The following ZNF407 variants were observed in gnomAD, a reference collection of about 807,000 sequenced individuals.
ZNF407 encodes zinc finger protein 407.
ZNF407 carries 17 observed loss-of-function variants against 131.2 expected under a neutral mutation model. The ratio of observed to expected loss-of-function variants is 0.13; its 90% CI spans 0.09 to 0.19. The LOEUF (loss-of-function observed/expected upper bound fraction) is 0.19. Ranked by LOEUF, ZNF407 falls within the 10% of genes least tolerant of loss-of-function variation. The probability of loss-of-function intolerance (pLI) is 1.00; values close to 1 mark genes in which losing one functional copy is unlikely to be tolerated. For missense variants in ZNF407, 2,681 were observed against 2,830.6 expected (o/e 0.95, Z 1.20); for synonymous variants, 1,156 against 1,062.0 (o/e 1.09, Z -1.72).
chr18:74,923,230 A>AT (rs1187270124), intron 8 of ZNF407, among the ~76,000 whole-genome samples: 1 of 150,496 alleles, frequency 6.6e-6, no homozygotes, highest in Non-Finnish European at 1.5e-5. Flanking sequence ...TGGTTTCTTT[A>AT]TTTTTTTTAA....
At chr18:74,920,807 A>G in intron 8 of ZNF407, 115 bp downstream of exon 8, 4 of 1,359,946 alleles carry the variant, frequency 2.9e-6, no homozygotes, top group Non-Finnish European at 2.9e-6. Flanking sequence ...AGTATGTGAT[A>G]GTATCTGCTT....
chr18:74,667,199 T>C (rs557059880), intron 3 of ZNF407, among the ~76,000 whole-genome samples: 2 of 152,340 alleles, frequency 1.3e-5, no homozygotes, highest in East Asian at 3.9e-4. Context: ...CTGCCTCTGC[T>C]CCTCGTCTGT....
intron 8 of ZNF407, among the ~76,000 whole-genome samples, chr18:74,946,675 C>G (rs1972157203): frequency 6.6e-6 from 1 of 151,738 alleles, no homozygotes; most frequent in Admixed American, 6.6e-5. Context: ...GAAAACTGAC[C>G]ATGATTTGAA....
intron 3 of ZNF407, among the ~76,000 whole-genome samples, chr18:74,736,802 T>G (rs2144908991): frequency 6.6e-6 from 1 of 152,292 alleles, no homozygotes; most frequent in African/African-American, 2.4e-5. Flanking sequence ...TGTTTCCCAT[T>G]AAATAAACGT....
chr18:74,711,663 C>T (rs1233916759), intron 3 of ZNF407, among the ~76,000 whole-genome samples: 1 of 152,160 alleles, frequency 6.6e-6, no homozygotes, highest in East Asian at 1.9e-4. Flanking sequence ...TAATTTATTA[C>T]AGTATTTCTA....
Position 74,634,132 on chromosome 18 carries a change from G to A in ZNF407, c.3113G>A (p.Arg1038Gln), listed in dbSNP as rs749652346. The change falls in exon 2 of 9, where the codon CGG (arginine) becomes CAG (glutamine). Residue 1038 changes from arginine (R) to glutamine (Q), a missense_variant. This residue lies in a region of ZNF407 where 1,789 missense variants were observed against 1,748.7 expected (regional missense o/e 1.02). Transcript: ENST00000299687. ...SSASLELHVKRKHTKEFEFYC... is the reference protein window; with the variant it reads ...SSASLELHVKQKHTKEFEFYC... Reference sequence around the variant, plus strand: ...GCTTCTCTAGAGCTGCATGTAAAACGGAAACATACAAAAGAGTTTGAGTTT... The same window carrying A: ...GCTTCTCTAGAGCTGCATGTAAAACAGAAACATACAAAAGAGTTTGAGTTT... 7.4e-6 allele frequency: 12 copies of A among 1,613,984 alleles called. No homozygotes were observed. The highest frequency in any genetic ancestry group is 1.6e-4 in the Middle Eastern group (1 of 6,062).
chr18:74,695,212 GA>G (rs1180327324), intron 3 of ZNF407, among the ~76,000 whole-genome samples: 2 of 151,944 alleles, frequency 1.3e-5, no homozygotes, highest in East Asian at 1.9e-4. Context: ...GGAAGATTTA[GA>G]AAAAAAATAA....
intron 8 of ZNF407, among the ~76,000 whole-genome samples, chr18:74,956,082 T>G (rs1188442192): frequency 2.6e-5 from 4 of 152,224 alleles, no homozygotes; most frequent in African/African-American, 9.6e-5. Flanking sequence ...TATCCACCCC[T>G]TTTACTTCAT....
At chr18:74,772,552 G>C (rs995324134) in intron 3 of ZNF407, among the ~76,000 whole-genome samples, 1 of 152,164 alleles carries the variant, frequency 6.6e-6, no homozygotes, top group Non-Finnish European at 1.5e-5. Flanking sequence ...TTGTGCCAAT[G>C]CTATTGAACT....
chr18:74,789,366 T>C (rs982121309), intron 4 of ZNF407, among the ~76,000 whole-genome samples: 1 of 152,092 alleles, frequency 6.6e-6, no homozygotes, highest in South Asian at 2.1e-4. Context: ...GCACACACGG[T>C]TGGGGAGAGT....
intron 7 of ZNF407, among the ~76,000 whole-genome samples, chr18:74,917,554 T>A (rs1359457279): frequency 6.6e-6 from 1 of 152,118 alleles, no homozygotes. Flanking sequence ...CCCATATACG[T>A]CTTACCTATT....
intron 8 of ZNF407, among the ~76,000 whole-genome samples, chr18:75,029,287 T>A (rs1187922127): frequency 6.6e-6 from 1 of 152,226 alleles, no homozygotes; most frequent in Non-Finnish European, 1.5e-5. Context: ...ATGTGTTATG[T>A]TATTACAGCT....
At chr18:74,982,809 C>T (rs1377484116) in intron 8 of ZNF407, among the ~76,000 whole-genome samples, 2 of 152,090 alleles carry the variant, frequency 1.3e-5, no homozygotes, top group Non-Finnish European at 2.9e-5. Context: ...AAAAAAGAAA[C>T]TTTTATCACT....
intron 3 of ZNF407, among the ~76,000 whole-genome samples, chr18:74,739,886 G>A (rs1489781432): frequency 2.0e-5 from 3 of 152,056 alleles, no homozygotes; most frequent in African/African-American, 7.2e-5. Context: ...ATTATTAAAT[G>A]GAACTTTATT....
At chr18:74,602,270 C>A (rs547879306) in intron 1 of ZNF407, among the ~76,000 whole-genome samples, 2 of 152,168 alleles carry the variant, frequency 1.3e-5, no homozygotes, top group Non-Finnish European at 2.9e-5. Flanking sequence ...TAGAATTGAG[C>A]ACTGAAGGGA....
intron 3 of ZNF407, among the ~76,000 whole-genome samples, chr18:74,659,899 A>G (rs559969458): frequency 6.6e-6 from 1 of 152,272 alleles, no homozygotes; most frequent in East Asian, 1.9e-4. Context: ...TGACAAATAT[A>G]TTTCTATGCA....
At chr18:74,737,294 A>T (rs1479735090) in intron 3 of ZNF407, among the ~76,000 whole-genome samples, 4 of 152,208 alleles carry the variant, frequency 2.6e-5, no homozygotes, top group African/African-American at 9.6e-5. Flanking sequence ...AAAATTTTGC[A>T]TATCTTTAGC....
At chr18:74,912,225 G>A (rs72979480) in intron 7 of ZNF407, among the ~76,000 whole-genome samples, 16,364 of 151,984 alleles carry the variant, frequency 0.11, 1,139 homozygotes, top group Middle Eastern at 0.23. Context: ...AAATTACCTG[G>A]GTATGTCATA....
chr18:75,004,241 G>A (rs555322496), intron 8 of ZNF407, among the ~76,000 whole-genome samples: 4 of 152,292 alleles, frequency 2.6e-5, no homozygotes, highest in Admixed American at 1.3e-4. Flanking sequence ...GAATAAGAGC[G>A]TCTCTAGGAC....
Sources: allele counts gnomAD v4.1 joint callset (sites outside exome capture counted in the v4.1 genomes callset), GRCh38; gene constraint gnomAD v4.1.1; regional missense constraint gnomAD v4.1.1; transcripts MANE v1.5; gene names NCBI Gene and HGNC (gene_info 2026-07-23, HGNC 2026-07-21).